The following TMEM117 variants were observed in gnomAD, a reference collection of about 807,000 sequenced individuals.
TMEM117 encodes transmembrane protein 117.
In TMEM117, 27 loss-of-function variants were observed where a neutral mutation model predicts 52.4. The ratio of observed to expected loss-of-function variants is 0.51; its 90% confidence interval spans 0.38 to 0.71. The LOEUF is 0.71. Among genes scored for constraint, TMEM117 ranks in the 30% least tolerant of loss-of-function variants. TMEM117 has a pLI of 0.00. For missense variants in TMEM117, 556 were observed against 630.5 expected (o/e 0.88, Z 1.26); for synonymous variants, 215 against 206.3 (o/e 1.04, Z -0.36).
At chr12:44,142,055 GTTTAAA>G (rs1948578668) in intron 3 of TMEM117, among the ~76,000 whole-genome samples, 1 of 152,134 alleles carries the variant, frequency 6.6e-6, no homozygotes, top group African/African-American at 2.4e-5. Context: ...AGTCAATCAA[GTTTAAA>G]TTTAAATCCT....
chr12:44,158,597 G>T (rs1162809791), intron 4 of TMEM117, among the ~76,000 whole-genome samples: 1 of 152,134 alleles, frequency 6.6e-6, no homozygotes, highest in Non-Finnish European at 1.5e-5. Flanking sequence ...GGGAGTCTGA[G>T]TTCTATTATT....
At chr12:43,806,462 A>C in the TMEM117 span, 6 of 981,734 alleles carry the variant, frequency 6.1e-6, no homozygotes, top group Non-Finnish European at 7.6e-6. Context: ...CGGCCTCGCT[A>C]TCCTAGTTCT....
chr12:43,865,151 C>T (rs989262763), intron 2 of TMEM117, among the ~76,000 whole-genome samples: 2 of 152,182 alleles, frequency 1.3e-5, no homozygotes, highest in African/African-American at 4.8e-5. Flanking sequence ...TCCGCGGCTT[C>T]ATTCTTGAAG....
intron 6 of TMEM117, among the ~76,000 whole-genome samples, chr12:44,361,706 C>A (rs1007308218): frequency 1.3e-5 from 2 of 152,122 alleles, no homozygotes; most frequent in African/African-American, 4.8e-5. Flanking sequence ...TTAATGAACA[C>A]CACACGGTAG....
At chr12:44,311,857 G>A (rs57002957) in intron 6 of TMEM117, among the ~76,000 whole-genome samples, 2,626 of 105,186 alleles carry the variant, frequency 0.025, 153 homozygotes, top group African/African-American at 0.12. Flanking sequence ...ATGTATATAT[G>A]TATATATATG....
chr12:44,088,226 A>G (rs1001041394), intron 3 of TMEM117, among the ~76,000 whole-genome samples: 13 of 152,228 alleles, frequency 8.5e-5, no homozygotes, highest in Admixed American at 7.9e-4. Context: ...GAATTTCTGT[A>G]TAAATATGAA....
At chr12:44,381,306 G>A (rs1464980684) in intron 7 of TMEM117, among the ~76,000 whole-genome samples, 1 of 152,134 alleles carries the variant, frequency 6.6e-6, no homozygotes, top group Non-Finnish European at 1.5e-5. Context: ...AACCCTAAAA[G>A]CAACTGTATA....
intron 4 of TMEM117, among the ~76,000 whole-genome samples, chr12:44,205,963 G>A (rs1949560345): frequency 6.6e-6 from 1 of 152,210 alleles, no homozygotes; most frequent in Admixed American, 6.5e-5. Flanking sequence ...GAAGCTGAAG[G>A]AATTAAGACA....
At chr12:43,927,363 T>C (rs1166797455) in intron 2 of TMEM117, among the ~76,000 whole-genome samples, 7 of 151,926 alleles carry the variant, frequency 4.6e-5, no homozygotes, top group Non-Finnish European at 8.8e-5. Context: ...AATTGTTGCA[T>C]GCAGGGTTCA....
At chr12:44,296,962 C>A (rs1950776832) in intron 5 of TMEM117, among the ~76,000 whole-genome samples, 1 of 152,152 alleles carries the variant, frequency 6.6e-6, no homozygotes, top group Non-Finnish European at 1.5e-5. Context: ...TGGGTACAAG[C>A]CTGCCCTCTC....
intron 3 of TMEM117, among the ~76,000 whole-genome samples, chr12:44,080,910 A>T (rs554047792): frequency 6.6e-6 from 1 of 152,196 alleles, no homozygotes; most frequent in East Asian, 1.9e-4. Flanking sequence ...AATATTCACT[A>T]TCTATCCCTT....
chr12:43,898,048 G>GCA (rs113886918), intron 2 of TMEM117, among the ~76,000 whole-genome samples: 1,709 of 146,856 alleles, frequency 0.012, 30 homozygotes, highest in African/African-American at 0.039. Context: ...ACACACGCAC[G>GCA]CACACACACA....
At chr12:44,372,788 A>C (rs1951882885) in intron 6 of TMEM117, among the ~76,000 whole-genome samples, 1 of 152,188 alleles carries the variant, frequency 6.6e-6, no homozygotes, top group Admixed American at 6.5e-5. Context: ...AGCAGAAAGT[A>C]TGTATTCTTT....
At chr12:43,801,129 A>G in the TMEM117 span, among the ~76,000 whole-genome samples, 1 of 152,228 alleles carries the variant, frequency 6.6e-6, no homozygotes. Flanking sequence ...ATAAAAAATT[A>G]AAATATGAGG....
intron 2 of TMEM117, among the ~76,000 whole-genome samples, chr12:43,845,745 A>G (rs1210502307): frequency 1.4e-5 from 2 of 147,548 alleles, no homozygotes; most frequent in African/African-American, 5.0e-5. Context: ...CCCTGTGTCC[A>G]AGTGTTGTCA....
chr12:44,105,054 T>A (rs1214439498), intron 3 of TMEM117, among the ~76,000 whole-genome samples: 1 of 152,044 alleles, frequency 6.6e-6, no homozygotes, highest in East Asian at 1.9e-4. Context: ...TATTGCTTCA[T>A]ATATTTCTTC....
chr12:44,152,320 TATAA>T (rs1329913193), intron 4 of TMEM117, among the ~76,000 whole-genome samples: 2 of 105,678 alleles, frequency 1.9e-5, no homozygotes, highest in Non-Finnish European at 3.3e-5. Flanking sequence ...AATCATATCA[TATAA>T]ATATATATAT....
intron 4 of TMEM117, among the ~76,000 whole-genome samples, chr12:44,199,714 A>G (rs546763952): frequency 2.6e-5 from 4 of 152,314 alleles, no homozygotes; most frequent in Admixed American, 6.5e-5. Context: ...TTCTGGTGGC[A>G]TATTTTGCTG....
the TMEM117 span, among the ~76,000 whole-genome samples, chr12:43,822,926 C>T: frequency 2.0e-5 from 3 of 150,716 alleles, no homozygotes. Context: ...GGGTAATCTA[C>T]TGAAATTTGA....
Sources: allele counts gnomAD v4.1 joint callset (sites outside exome capture counted in the v4.1 genomes callset), GRCh38; gene constraint gnomAD v4.1.1; transcripts MANE v1.5; gene names NCBI Gene and HGNC (gene_info 2026-07-23, HGNC 2026-07-21).